The following PCDHA9 variants were observed in gnomAD, a reference collection of about 807,000 sequenced individuals.
PCDHA9 encodes protocadherin alpha-9.
Under a neutral mutation model 62.0 loss-of-function variants are expected in PCDHA9, and 62 were observed. The observed-to-expected ratio is 1.00, with a 90% CI of 0.81 to 1.23. PCDHA9 has a LOEUF of 1.23. Among genes scored for constraint, PCDHA9 ranks in the 50% most tolerant of loss-of-function variants. PCDHA9 has a pLI of 0.00. For missense variants in PCDHA9, 1,205 were observed against 1,249.8 expected (o/e 0.96, Z 0.54); for synonymous variants, 557 against 567.6 (o/e 0.98, Z 0.27).
chr5:141,001,324 C>G (rs1455380423), intron 3 of PCDHA9, among the ~76,000 whole-genome samples: 2 of 152,154 alleles, frequency 1.3e-5, no homozygotes, highest in Non-Finnish European at 1.5e-5. Flanking sequence ...TGCCAAACAT[C>G]ACCATAATTT....
intron 1 of PCDHA9, 119 bp from the exon 2 acceptor site, chr5:140,978,830 C>T: frequency 6.5e-7 from 1 of 1,535,340 alleles, no homozygotes; most frequent in Non-Finnish European, 8.8e-7. Context: ...TGAAATGGCT[C>T]ATTCAATACT....
intron 1 of PCDHA9, among the ~76,000 whole-genome samples, chr5:140,976,893 A>G (rs1240555240): frequency 2.0e-5 from 3 of 152,212 alleles, no homozygotes; most frequent in African/African-American, 7.2e-5. Context: ...GATACATGCA[A>G]CAGTATGTAA....
At chr5:140,983,165 T>A (rs947834633) in intron 3 of PCDHA9, among the ~76,000 whole-genome samples, 14 of 152,220 alleles carry the variant, frequency 9.2e-5, no homozygotes, top group Admixed American at 4.6e-4. Context: ...TTGCCAAACA[T>A]GACCGCCTCA....
intron 1 of PCDHA9, among the ~76,000 whole-genome samples, chr5:140,974,516 T>G (rs533322332): frequency 2.0e-5 from 3 of 152,328 alleles, no homozygotes; most frequent in African/African-American, 7.2e-5. Context: ...TTTTATTTTA[T>G]TTTAGTTTTT....
intron 1 of PCDHA9, chr5:140,884,792 G>T: frequency 7.6e-7 from 1 of 1,312,776 alleles, no homozygotes; most frequent in Non-Finnish European, 1.0e-6. Context: ...AGTTGTTATC[G>T]AATTTAACAA....
chr5:140,955,603 C>T (rs898504105), intron 1 of PCDHA9, among the ~76,000 whole-genome samples: 1 of 152,146 alleles, frequency 6.6e-6, no homozygotes, highest in Non-Finnish European at 1.5e-5. Flanking sequence ...TTATAAATTA[C>T]CCAGTCTCAG....
rs1276562311 is a variant in PCDHA9, at chr5:140,851,314, C to T, written c.2394+425C>T. ...AGCAAAAATATATAGCAATTGTTAC[C>T]TTGTTAAGTTTGTAGTTCTCTACAT... On this transcript the variant is annotated intron_variant, in intron 1 of 3. Transcript: ENST00000532602. The T allele has an allele frequency of 2.6e-5, 26 of 997,988 alleles. 4 individuals carry two copies. Among genetic ancestry groups the T allele is most frequent in the Non-Finnish European group, 2.6e-5 (21 of 813,766 alleles). The allele number at this position is 997,988 out of a possible 1,614,324, so 61.8% of individuals were successfully genotyped here.
chr5:140,967,012 G>A, intron 1 of PCDHA9: 1 of 1,606,776 alleles, frequency 6.2e-7, no homozygotes, highest in Non-Finnish European at 8.5e-7. Flanking sequence ...TCAACCATCT[G>A]GGTGCGCCCA....
chr5:141,006,388 A>AT (rs2098271631), intron 3 of PCDHA9, among the ~76,000 whole-genome samples: 1 of 151,322 alleles, frequency 6.6e-6, no homozygotes, highest in African/African-American at 2.4e-5. Flanking sequence ...AGTTTTTTCT[A>AT]TTTTTTAGTA....
chr5:140,884,355 T>C, intron 1 of PCDHA9: 1 of 1,613,922 alleles, frequency 6.2e-7, no homozygotes, highest in Admixed American at 1.7e-5. Context: ...CTGGTGGATG[T>C]CAATGTTTAC....
At chr5:140,918,789 G>A (rs1453306973) in intron 1 of PCDHA9, among the ~76,000 whole-genome samples, 7 of 142,426 alleles carry the variant, frequency 4.9e-5, no homozygotes, top group African/African-American at 1.9e-4. Flanking sequence ...TGAGGACACA[G>A]CAAAAATGTG....
chr5:140,969,201 G>A (rs2096306183), intron 1 of PCDHA9: 2 of 1,614,110 alleles, frequency 1.2e-6, no homozygotes, highest in Non-Finnish European at 1.7e-6. Context: ...TACAATACAG[G>A]GGCCCAGACA....
Position 140,848,754 on chromosome 5 carries a change from A to T in PCDHA9, c.259A>T (p.Asn87Tyr). Residue 87 changes from asparagine (N) to tyrosine (Y), a missense_variant, in exon 1 of 4, where the codon AAT (asparagine) becomes TAT (tyrosine). Physicochemically the swap from Asn to Tyr is moderately radical, Grantham distance 143 (BLOSUM62 -2). This residue lies in a region of PCDHA9 where 208 missense variants were observed against 213.2 expected (regional missense o/e 0.98). Coordinates refer to ENST00000532602, the MANE Select transcript of PCDHA9 (RefSeq NM_031857.2). Reference sequence around the variant, plus strand: ...TCTGCAGAATGGCATTTTGTTTGTGAATTCTCGGATCGACCGCGAGGAGCT... The same window carrying T: ...TCTGCAGAATGGCATTTTGTTTGTGTATTCTCGGATCGACCGCGAGGAGCT... The part of the protein sequence containing the change: ...VNLQNGILFV[N>Y]SRIDREELCG... 1 of 1,593,142 alleles carries T rather than the reference A, an allele frequency of 6.3e-7. No homozygotes were observed. Among genetic ancestry groups the T allele is most frequent in the Non-Finnish European group, 8.6e-7 (1 of 1,163,930 alleles).
rs143182337 is a variant in PCDHA9 at position 140,938,958 on chromosome 5, G to A, written c.2395-39991G>A. On this transcript the variant is annotated intron_variant, in intron 1 of 3. Coordinates refer to ENST00000532602, the MANE Select transcript of PCDHA9 (RefSeq NM_031857.2). ...TTTCCATTCTTATAATGCTCTAGTC[G>A]GAGTTTGGCATCAAGGCTATCCTGG... 3.2e-3 allele frequency among the ~76,000 whole-genome samples: 486 copies of A among 152,204 alleles called. 2 individuals carry two copies. Among genetic ancestry groups the A allele is most frequent in the Middle Eastern group, 0.014 (4 of 294 alleles).
intron 3 of PCDHA9, among the ~76,000 whole-genome samples, chr5:140,987,219 A>G (rs1340141684): frequency 6.6e-6 from 1 of 151,240 alleles, no homozygotes; most frequent in African/African-American, 2.5e-5. Flanking sequence ...ATCTCAAAAA[A>G]AAAAAAAATA....
chr5:140,949,809 G>A (rs782774481), intron 1 of PCDHA9, among the ~76,000 whole-genome samples: 1 of 151,712 alleles, frequency 6.6e-6, no homozygotes. Flanking sequence ...TACATTATTT[G>A]CTTTCTATTT....
rs116377419 is a variant in PCDHA9, at chr5:140,884,621, G to A, written c.2394+33732G>A. On this transcript the variant is annotated intron_variant, in intron 1 of 3. Coordinates refer to ENST00000532602, the MANE Select transcript of PCDHA9 (RefSeq NM_031857.2). ...TCCTCCTTGTCTGGGTTCTGCAGAG[G>A]GAACAGGCCAGAGGGAGGAGGACTC... 8.0e-4 allele frequency: 1,287 copies of A among 1,613,996 alleles called. 6 individuals carry two copies. The African/African-American group carries it at 0.016, about 20-fold the overall frequency.
chr5:140,918,051 A>G (rs782531005), intron 1 of PCDHA9, among the ~76,000 whole-genome samples: 2 of 151,984 alleles, frequency 1.3e-5, no homozygotes, highest in Non-Finnish European at 1.5e-5. Flanking sequence ...CATTTGTTTT[A>G]TCATCTCTGA....
At chr5:140,882,424 G>C in intron 1 of PCDHA9, 1 of 1,614,114 alleles carries the variant, frequency 6.2e-7, no homozygotes, top group Non-Finnish European at 8.5e-7. Context: ...CTCAGGACCT[G>C]GGGCTGGAGC....
Sources: allele counts gnomAD v4.1 joint callset (sites outside exome capture counted in the v4.1 genomes callset), GRCh38; gene constraint gnomAD v4.1.1; regional missense constraint gnomAD v4.1.1; transcripts MANE v1.5; gene names NCBI Gene and HGNC (gene_info 2026-07-23, HGNC 2026-07-21).